CCDC102B: variants seen among roughly 807,000 people sequenced by gnomAD.
CCDC102B encodes coiled-coil domain-containing protein 102B.
In CCDC102B, 75 loss-of-function variants were observed where a neutral mutation model predicts 57.4. That is an observed-to-expected ratio of 1.31 (90% CI 1.08 to 1.58). The LOEUF (loss-of-function observed/expected upper bound fraction) is 1.58. Ranked by LOEUF, CCDC102B falls within the 40% of genes most tolerant of loss-of-function variation. The probability of loss-of-function intolerance (pLI) is 0.00; values close to 1 mark genes in which losing one functional copy is unlikely to be tolerated. For missense variants in CCDC102B, 636 were observed against 582.6 expected (o/e 1.09, Z -0.94); for synonymous variants, 206 against 201.9 (o/e 1.02, Z -0.17).
chr18:69,057,206 G>T (rs1255896163), downstream of CCDC102B, among the ~76,000 whole-genome samples: 1 of 151,988 alleles, frequency 6.6e-6, no homozygotes, highest in Admixed American at 6.6e-5. Flanking sequence ...TGGCAGCACT[G>T]CATTTCCTGG....
chr18:68,771,511 C>A (rs2034636187), intron 2 of CCDC102B, among the ~76,000 whole-genome samples: 1 of 152,154 alleles, frequency 6.6e-6, no homozygotes, highest in South Asian at 2.1e-4. Context: ...ACACACTTAA[C>A]TACTTAACTG....
intron 2 of CCDC102B, among the ~76,000 whole-genome samples, chr18:68,764,564 A>C (rs1030007322): frequency 1.3e-4 from 20 of 152,188 alleles, no homozygotes; most frequent in African/African-American, 4.8e-4. Flanking sequence ...CAAACTACTT[A>C]GGGATGTGAG....
chr18:68,838,779 T>C lies in CCDC102B; in HGVS notation c.680T>C (p.Phe227Ser). Residue 227 changes from phenylalanine to serine, a missense_variant, in exon 3 of 8, where the codon TTC (phenylalanine) becomes TCC (serine). Physicochemically the swap from Phe to Ser is radical, Grantham distance 155. Coordinates refer to ENST00000360242, the MANE Select transcript of CCDC102B (RefSeq NM_024781.3). ...MKPNLDGVDL[F>S]NNGGSGNGET... ...CCCAATCTAGATGGTGTTGATTTATTCAACAATGGTGGTTCTGGAAACGGT... is the reference window on the plus strand; with the variant it reads ...CCCAATCTAGATGGTGTTGATTTATCCAACAATGGTGGTTCTGGAAACGGT... 1 of 1,614,056 alleles carries C rather than the reference T, an allele frequency of 6.2e-7. No individual in the cohort carries two copies.
intron 5 of CCDC102B, among the ~76,000 whole-genome samples, chr18:68,885,255 T>C (rs1259530762): frequency 6.6e-6 from 1 of 151,832 alleles, no homozygotes; most frequent in Non-Finnish European, 1.5e-5. Context: ...AAGGATGTAA[T>C]AAAAAAGGAA....
intron 2 of CCDC102B, among the ~76,000 whole-genome samples, chr18:68,720,265 C>T (rs2032253025): frequency 6.6e-6 from 1 of 152,156 alleles, no homozygotes; most frequent in Non-Finnish European, 1.5e-5. Context: ...TGATCAATCA[C>T]CAAAACCTGC....
chr18:69,017,370 C>T (rs2051699739), intron 7 of CCDC102B, among the ~76,000 whole-genome samples: 1 of 152,204 alleles, frequency 6.6e-6, no homozygotes, highest in East Asian at 1.9e-4. Context: ...AGTGAGCCAC[C>T]AGCCTCGAGC....
chr18:68,974,107 T>G (rs2145268790), intron 6 of CCDC102B, among the ~76,000 whole-genome samples: 1 of 152,218 alleles, frequency 6.6e-6, no homozygotes, highest in Non-Finnish European at 1.5e-5. Context: ...GTCGAAGTCC[T>G]TTTTCCCCTC....
intron 6 of CCDC102B, among the ~76,000 whole-genome samples, chr18:68,989,334 A>G (rs2050804179): frequency 6.6e-6 from 1 of 152,248 alleles, no homozygotes; most frequent in African/African-American, 2.4e-5. Flanking sequence ...CATACCAAGT[A>G]GAATAAAAAT....
At chr18:68,839,564 C>T (rs964427883) in intron 3 of CCDC102B, among the ~76,000 whole-genome samples, 4 of 152,174 alleles carry the variant, frequency 2.6e-5, no homozygotes, top group African/African-American at 2.4e-5. Flanking sequence ...GTTCAAGAAT[C>T]GCGAGCATGG....
At chr18:68,866,166 A>G (rs1220722132) in intron 4 of CCDC102B, among the ~76,000 whole-genome samples, 1 of 152,196 alleles carries the variant, frequency 6.6e-6, no homozygotes, top group Admixed American at 6.5e-5. Context: ...TTTTTAAGCA[A>G]TTGTGTACGC....
Position 69,054,172 on chromosome 18 carries a change from G to T in CCDC102B, c.*35G>T. The T allele has an allele frequency of 1.9e-6, 3 of 1,553,328 alleles. No individual in the cohort carries two copies. Among genetic ancestry groups the T allele is most frequent in the Non-Finnish European group, 2.6e-6 (3 of 1,157,662 alleles). ...AAAATATGCTGAATTAAAGATTAGG[G>T]CCTTAAAGACATTTCCATATCCTTT... On this transcript the variant is annotated 3_prime_UTR_variant, in exon 8 of 8. Transcript: ENST00000360242.
chr18:68,986,026 T>C (rs75930419), intron 6 of CCDC102B, among the ~76,000 whole-genome samples: 3,909 of 152,262 alleles, frequency 0.026, 113 homozygotes, highest in East Asian at 0.12. Context: ...AGATGGCATG[T>C]GATGTGTTTC....
chr18:68,946,176 T>C (rs1243631958), intron 6 of CCDC102B, among the ~76,000 whole-genome samples: 1 of 152,178 alleles, frequency 6.6e-6, no homozygotes, highest in East Asian at 1.9e-4. Flanking sequence ...ACTATTAATC[T>C]AGTTACATAT....
At chr18:68,830,904 C>A (rs958167176) in intron 1 of CCDC102B, among the ~76,000 whole-genome samples, 1 of 151,754 alleles carries the variant, frequency 6.6e-6, no homozygotes, top group Non-Finnish European at 1.5e-5. Flanking sequence ...GATCAGCCTG[C>A]CAGAAAACAG....
chr18:69,055,034 T>G lies in CCDC102B; in HGVS notation c.*897T>G. ...GTTATTTTGAACAAAAAGACACTTA[T>G]AATTTTCCATACCTATTTTCAACTG... On this transcript the variant is annotated 3_prime_UTR_variant, in exon 8 of 8. Coordinates refer to ENST00000360242, the MANE Select transcript of CCDC102B (RefSeq NM_024781.3). The G allele has an allele frequency of 1.0e-6, 1 of 982,868 alleles. No homozygotes were observed. The highest frequency in any genetic ancestry group is 1.2e-6 in the Non-Finnish European group (1 of 827,618). The allele number at this position is 982,868 out of a possible 1,614,324, so 60.9% of individuals were successfully genotyped here.
intron 6 of CCDC102B, among the ~76,000 whole-genome samples, chr18:68,900,971 C>T (rs528918359): frequency 2.6e-5 from 4 of 152,216 alleles, no homozygotes; most frequent in South Asian, 2.1e-4. Context: ...TTGTCCCACA[C>T]GTTTATGGAC....
At chr18:68,845,745 CA>C (rs2037828662) in intron 3 of CCDC102B, among the ~76,000 whole-genome samples, 1 of 151,696 alleles carries the variant, frequency 6.6e-6, no homozygotes, top group South Asian at 2.1e-4. Context: ...GCTAGTTCTA[CA>C]AATAGAGAAA....
At chr18:68,905,012 ACT>A (rs1226420240) in intron 6 of CCDC102B, among the ~76,000 whole-genome samples, 1 of 151,958 alleles carries the variant, frequency 6.6e-6, no homozygotes, top group Non-Finnish European at 1.5e-5. Flanking sequence ...TTCTGTTATT[ACT>A]ATTTGAATTT....
At chr18:68,856,080 C>T (rs1268507811) in intron 4 of CCDC102B, among the ~76,000 whole-genome samples, 8 of 152,000 alleles carry the variant, frequency 5.3e-5, no homozygotes, top group Admixed American at 6.6e-5. Flanking sequence ...CCATAGTTGG[C>T]GCTATTTCTT....
Sources: allele counts gnomAD v4.1 joint callset (sites outside exome capture counted in the v4.1 genomes callset), GRCh38; gene constraint gnomAD v4.1.1; transcripts MANE v1.5; gene names NCBI Gene and HGNC (gene_info 2026-07-23, HGNC 2026-07-21).